ADAMTS17: variants seen among roughly 807,000 people sequenced by gnomAD.
The protein encoded by ADAMTS17 is A disintegrin and metalloproteinase with thrombospondin motifs 17.
In ADAMTS17, 113 loss-of-function variants were observed where a neutral mutation model predicts 141.5. The observed-to-expected ratio is 0.80, with a 90% CI of 0.69 to 0.93. ADAMTS17 has a LOEUF of 0.93. Ranked by LOEUF, ADAMTS17 falls within the 40% of genes least tolerant of loss-of-function variation. The pLI is 0.00. For missense variants in ADAMTS17, 1,659 were observed against 1,517.9 expected (o/e 1.09, Z -1.54); for synonymous variants, 768 against 630.6 (o/e 1.22, Z -3.27).
chr15:100,335,562 G>T (rs1187740011), intron 2 of ADAMTS17, among the ~76,000 whole-genome samples: 1 of 152,208 alleles, frequency 6.6e-6, no homozygotes, highest in Non-Finnish European at 1.5e-5. Context: ...GCCTACCAGA[G>T]CATCCTGCAC....
chr15:99,978,394 C>T (rs2060411978), intron 20 of ADAMTS17: 1 of 152,222 alleles, frequency 6.6e-6, no homozygotes, highest in Non-Finnish European at 1.5e-5. Context: ...GGTGTGAAAA[C>T]TATAAGCAGC....
At chr15:100,190,428 C>T (rs545897508) in intron 8 of ADAMTS17, among the ~76,000 whole-genome samples, 2 of 152,338 alleles carry the variant, frequency 1.3e-5, no homozygotes, top group East Asian at 1.9e-4. Context: ...TTTCCCAGAA[C>T]GTGCCATTGA....
intron 15 of ADAMTS17, among the ~76,000 whole-genome samples, chr15:100,069,137 G>T (rs1045430505): frequency 6.6e-6 from 1 of 152,168 alleles, no homozygotes; most frequent in African/African-American, 2.4e-5. Context: ...GGAAGAAAGG[G>T]TATCAGCAAT....
intron 7 of ADAMTS17, among the ~76,000 whole-genome samples, chr15:100,244,582 T>G (rs1355035228): frequency 1.3e-5 from 2 of 152,002 alleles, no homozygotes; most frequent in Non-Finnish European, 2.9e-5. Flanking sequence ...AGAAGAGTCA[T>G]GCCTGTCCCC....
At position 100,303,874 on chromosome 15, in the gene ADAMTS17, C is replaced by T. The variant is rs564137641; in HGVS notation, c.617-22473G>A. On this transcript the variant is annotated intron_variant, in intron 3 of 21. Transcript: ENST00000268070. ...AGTAGTTGGGACTACAGGTGCATGC[C>T]GCCACGCCCGGCTAATTTTTTGTAT... 4.3e-3 allele frequency among the ~76,000 whole-genome samples: 659 copies of T among 152,184 alleles called. 7 individuals are homozygous for T. The highest frequency in any genetic ancestry group is 6.8e-3 in the Middle Eastern group (2 of 294).
intron 20 of ADAMTS17, among the ~76,000 whole-genome samples, chr15:99,982,018 T>TA (rs1353870980): frequency 6.6e-6 from 1 of 152,234 alleles, no homozygotes; most frequent in African/African-American, 2.4e-5. Flanking sequence ...CGTCCCCACT[T>TA]ACTAGCTGTG....
chr15:100,317,613 GGT>G (rs2045605975), intron 3 of ADAMTS17, among the ~76,000 whole-genome samples: 2 of 152,192 alleles, frequency 1.3e-5, no homozygotes. Context: ...CACCATGCGA[GGT>G]GTGTGGCCCC....
Position 99,997,703 on chromosome 15 carries a change from G to T in ADAMTS17, c.2592-114C>A. The T allele has an allele frequency of 7.5e-7, 1 of 1,334,362 alleles. No individual in the cohort carries two copies. The highest frequency in any genetic ancestry group is 1.1e-6 in the Non-Finnish European group (1 of 946,506). The allele number at this position is 1,334,362 out of a possible 1,614,324, so 82.7% of individuals were successfully genotyped here. ...CCCTGTGGTGGGAGAGAGGGAGGCA[G>T]ACTCAGGAAGCTTTTCAGCCAACCC... is the stretch of plus-strand genomic sequence containing the variant. On this transcript the variant is annotated intron_variant, in intron 18 of 21. Transcript: ENST00000268070. This position sits in a 1 kb window ranked among gnomAD's most constrained non-coding sequence, Gnocchi z 4.7.
intron 13 of ADAMTS17, among the ~76,000 whole-genome samples, chr15:100,113,063 A>T (rs2036890624): frequency 1.3e-5 from 2 of 152,190 alleles, no homozygotes; most frequent in South Asian, 4.2e-4. Context: ...TGACGAGGCT[A>T]CTCAGACTCC....
chr15:100,273,919 G>C (rs182822023), intron 4 of ADAMTS17, among the ~76,000 whole-genome samples: 4 of 152,226 alleles, frequency 2.6e-5, no homozygotes, highest in African/African-American at 7.2e-5. Flanking sequence ...AATGTCACTT[G>C]TGATTTCTTC....
intron 4 of ADAMTS17, among the ~76,000 whole-genome samples, chr15:100,264,668 C>G (rs865786317): frequency 6.6e-6 from 1 of 152,206 alleles, no homozygotes; most frequent in Non-Finnish European, 1.5e-5. Context: ...CACCCATTTT[C>G]TCCTTGGCTG....
intron 8 of ADAMTS17, among the ~76,000 whole-genome samples, chr15:100,195,671 G>A (rs980390783): frequency 1.5e-5 from 2 of 134,434 alleles, no homozygotes; most frequent in Admixed American, 1.5e-4. Flanking sequence ...AAAAAAATCT[G>A]TCAATCTCAC....
intron 7 of ADAMTS17, among the ~76,000 whole-genome samples, chr15:100,232,803 C>T (rs2141854551): frequency 6.6e-6 from 1 of 152,270 alleles, no homozygotes; most frequent in Non-Finnish European, 1.5e-5. Flanking sequence ...ACACTGACAC[C>T]ATGGAATTTG....
intron 18 of ADAMTS17, among the ~76,000 whole-genome samples, chr15:100,031,608 T>C (rs2030173021): frequency 6.6e-6 from 1 of 152,232 alleles, no homozygotes; most frequent in African/African-American, 2.4e-5. Context: ...ACCAGACATC[T>C]GTCCCCTAAT....
At chr15:100,253,295 A>T (rs1391343000) in intron 7 of ADAMTS17, among the ~76,000 whole-genome samples, 1 of 145,816 alleles carries the variant, frequency 6.9e-6, no homozygotes, top group Non-Finnish European at 1.5e-5. Flanking sequence ...CTCAAGAGCA[A>T]ACCAGACATA....
At chr15:100,138,412 A>C (rs189562500) in intron 10 of ADAMTS17, among the ~76,000 whole-genome samples, 3 of 152,382 alleles carry the variant, frequency 2.0e-5, no homozygotes, top group Admixed American at 1.3e-4. Context: ...ATAGAAGATG[A>C]GATTACATAA....
Position 100,299,083 on chromosome 15 carries a change from C to A in ADAMTS17, c.617-17682G>T, listed in dbSNP as rs142652453. 1.8e-4 allele frequency among the ~76,000 whole-genome samples: 28 copies of A among 152,198 alleles called. No individual in the cohort carries two copies. The East Asian group carries it at 4.3e-3, about 23-fold the overall frequency. ...CACCGGTCATATCAGATTAGGGGAC[C>A]CACCTTCATCACCTTATTTTAACTT... On this transcript the variant is annotated intron_variant, in intron 3 of 21. Transcript: ENST00000268070.
In ADAMTS17 at chr15:100,317,900, G is replaced by A. The variant is rs181948782; in HGVS notation, c.616+12989C>T. On this transcript the variant is annotated intron_variant, in intron 3 of 21. Transcript: ENST00000268070. ...GTAACACCAGGGGCAGGGGGCAGCC[G>A]TGAGTTGAGGGGCCAAGGCTGAAGC... Among the ~76,000 whole-genome samples, 67 of 152,288 alleles carry A rather than the reference G, an allele frequency of 4.4e-4. No homozygotes were observed. In the East Asian group the frequency reaches 8.3e-3, roughly 19 times the overall value.
intron 3 of ADAMTS17, among the ~76,000 whole-genome samples, chr15:100,323,084 CAA>C (rs60468549): frequency 0.21 from 22,330 of 106,246 alleles, 908 homozygotes; most frequent in South Asian, 0.35. Context: ...GACTCCGTCT[CAA>C]AAAAAAAAAA....
Sources: gnomAD v4.1 joint callset for allele counts (sites outside exome capture counted in the v4.1 genomes callset) on GRCh38, gnomAD v4.1.1 for gene constraint, Gnocchi (gnomAD v3.1) non-coding constraint, MANE v1.5 for transcripts, NCBI Gene and HGNC (gene_info 2026-07-23, HGNC 2026-07-21) for gene names.